Variants in PIP5K1B observed in about 807,000 individuals in gnomAD.
PIP5K1B encodes the protein phosphatidylinositol-4-phosphate 5-kinase type 1 beta.
PIP5K1B carries 42 observed loss-of-function variants against 67.0 expected under a neutral mutation model. The ratio of observed to expected loss-of-function variants is 0.63; its 90% CI spans 0.49 to 0.81. The LOEUF is 0.81. PIP5K1B is among the 30% of genes least tolerant of loss of function. The pLI is 0.00. For synonymous variants in PIP5K1B, 214 were observed against 231.4 expected (o/e 0.92, Z 0.68); for missense variants, 459 against 646.3 (o/e 0.71, Z 3.14).
intron 14 of PIP5K1B, among the ~76,000 whole-genome samples, chr9:68,948,853 A>G (rs930398189): frequency 6.6e-6 from 1 of 152,232 alleles, no homozygotes; most frequent in African/African-American, 2.4e-5. Context: ...GATCCCTCAT[A>G]TATTTCTGCC....
chr9:68,822,030 A>G (rs1833754625), intron 3 of PIP5K1B, among the ~76,000 whole-genome samples: 1 of 152,254 alleles, frequency 6.6e-6, no homozygotes, highest in South Asian at 2.1e-4. Flanking sequence ...AGAAATAAAT[A>G]TGACAAAATG....
chr9:68,755,258 C>T (rs10735625), intron 2 of PIP5K1B, among the ~76,000 whole-genome samples: 106,420 of 152,112 alleles, frequency 0.7, 37,470 homozygotes, highest in East Asian at 0.8. Flanking sequence ...ACTGCTTTCC[C>T]AAAGAATCCA....
chr9:69,008,282 G>A (rs188641050), intron 15 of PIP5K1B, among the ~76,000 whole-genome samples, 165 bp from the exon 16 acceptor site: 4 of 152,296 alleles, frequency 2.6e-5, no homozygotes, highest in Non-Finnish European at 1.5e-5. Context: ...CACCAAAGAA[G>A]TATATGCTAT....
In PIP5K1B at chr9:68,920,354, G is replaced by GAT. The variant is rs1356916901; in HGVS notation, c.1116+625_1116+626insAT. On this transcript the variant is annotated intron_variant, in intron 11 of 15. Coordinates refer to ENST00000265382, the MANE Select transcript of PIP5K1B (RefSeq NM_003558.4). The stretch of plus-strand genomic sequence containing the variant: ...CATTTATACATGCTGGCTGCCTGAG[G>GAT]TTGTCTTTTTTTTTTTTTTTTTTTT... Among the ~76,000 whole-genome samples, 8 of 114,360 alleles carry GAT rather than the reference G, an allele frequency of 7.0e-5. 2 individuals carry two copies. Among genetic ancestry groups the GAT allele is most frequent in the Non-Finnish European group, 1.2e-4 (7 of 57,016 alleles). 75.0% of individuals were successfully genotyped at this position (114,360 alleles called of 152,430 possible). A position where few individuals can be genotyped will look rare whatever the true frequency, so the allele number is the denominator to read the frequency against.
chr9:68,920,314 G>A (rs893948915), intron 11 of PIP5K1B, among the ~76,000 whole-genome samples: 8 of 148,560 alleles, frequency 5.4e-5, no homozygotes, highest in Non-Finnish European at 4.5e-5. Context: ...TAATTGGTAT[G>A]GATTTCTACA....
At chr9:68,839,082 G>A (rs10448322) in intron 4 of PIP5K1B, among the ~76,000 whole-genome samples, 14,364 of 152,250 alleles carry the variant, frequency 0.094, 860 homozygotes, top group Non-Finnish European at 0.14. Flanking sequence ...AAGTTATTTT[G>A]GGGTGGGCAG....
chr9:68,917,870 A>G, intron 9 of PIP5K1B, 111 bp downstream of exon 9: 1 of 756,492 alleles, frequency 1.3e-6, no homozygotes, highest in African/African-American at 1.7e-5. Flanking sequence ...ATTAATTTCT[A>G]CTTGGTGCTA....
intron 14 of PIP5K1B, among the ~76,000 whole-genome samples, chr9:68,961,426 G>A (rs1325360520): frequency 6.6e-6 from 1 of 152,144 alleles, no homozygotes; most frequent in Non-Finnish European, 1.5e-5. Flanking sequence ...ATACTTTAAA[G>A]CAACTAATTA....
intron 2 of PIP5K1B, among the ~76,000 whole-genome samples, chr9:68,760,112 A>G (rs1043707855): frequency 1.3e-5 from 2 of 152,094 alleles, no homozygotes; most frequent in African/African-American, 2.4e-5. Context: ...ATATAAAACA[A>G]TTTTGGTGTG....
At chr9:68,973,440 G>A (rs10117043) in intron 14 of PIP5K1B, among the ~76,000 whole-genome samples, 1 of 152,042 alleles carries the variant, frequency 6.6e-6, no homozygotes, top group African/African-American at 2.4e-5. Flanking sequence ...AAGCTTAAAT[G>A]GGACTCTGAA....
At chr9:68,727,130 A>C (rs1247632321) in intron 1 of PIP5K1B, among the ~76,000 whole-genome samples, 1 of 152,188 alleles carries the variant, frequency 6.6e-6, no homozygotes, top group East Asian at 1.9e-4. Flanking sequence ...GAAGAATTAG[A>C]AGAATATATT....
At chr9:68,953,836 G>C (rs1828233264) in intron 14 of PIP5K1B, among the ~76,000 whole-genome samples, 1 of 145,942 alleles carries the variant, frequency 6.9e-6, no homozygotes, top group African/African-American at 2.6e-5. Flanking sequence ...AAAAATCCCT[G>C]ACTGGAAACT....
Position 68,941,182 on chromosome 9 carries a change from G to A in PIP5K1B, c.1502+392G>A, listed in dbSNP as rs115581910. ...TGGTATGTGTGATCTTAGTGACTAT[G>A]GTAAACAGAATAATTGCTCCCCCAA... On this transcript the variant is annotated intron_variant, in intron 14 of 15. Transcript: ENST00000265382. 8.8e-4 allele frequency: 391 copies of A among 446,820 alleles called. 1 individual carries two copies. Among genetic ancestry groups the A allele is most frequent in the African/African-American group, 6.6e-3 (328 of 49,512 alleles). 27.7% of individuals were successfully genotyped at this position (446,820 alleles called of 1,614,324 possible). A position where few individuals can be genotyped will look rare whatever the true frequency, so the allele number is the denominator to read the frequency against.
intron 1 of PIP5K1B, among the ~76,000 whole-genome samples, chr9:68,714,751 C>T (rs1349734177): frequency 6.6e-6 from 1 of 152,170 alleles, no homozygotes; most frequent in Non-Finnish European, 1.5e-5. Flanking sequence ...CAGTCAGAGG[C>T]AGGTTCATAA....
intron 14 of PIP5K1B, among the ~76,000 whole-genome samples, chr9:68,949,033 G>T (rs10869572): frequency 0.64 from 96,564 of 151,898 alleles, 33,997 homozygotes; most frequent in Non-Finnish European, 0.78. Context: ...TTTAGTTTAT[G>T]GATAAATCAT....
intron 2 of PIP5K1B, among the ~76,000 whole-genome samples, chr9:68,752,868 CAA>C (rs1219728290): frequency 1.3e-5 from 2 of 152,158 alleles, no homozygotes; most frequent in Non-Finnish European, 2.9e-5. Context: ...TTTTGTGAAA[CAA>C]AGATTTAATC....
At chr9:68,769,666 C>T (rs1467389081) in intron 2 of PIP5K1B, among the ~76,000 whole-genome samples, 2 of 152,166 alleles carry the variant, frequency 1.3e-5, no homozygotes, top group South Asian at 2.1e-4. Context: ...CCTCAATACA[C>T]TCTAGGCTTT....
At chr9:68,768,271 A>C (rs769944189) in intron 2 of PIP5K1B, among the ~76,000 whole-genome samples, 6 of 152,200 alleles carry the variant, frequency 3.9e-5, no homozygotes, top group Non-Finnish European at 8.8e-5. Context: ...GAAGAAAAGG[A>C]AAAAGTGGAT....
intron 5 of PIP5K1B, 40 bp from the exon 6 acceptor site, chr9:68,876,637 T>C: frequency 9.1e-7 from 1 of 1,094,856 alleles, no homozygotes; most frequent in Non-Finnish European, 1.4e-6. Context: ...CTTGCTAATG[T>C]GTTCTTTCTT....
Sources: gnomAD v4.1 joint callset for allele counts (sites outside exome capture counted in the v4.1 genomes callset) on GRCh38, gnomAD v4.1.1 for gene constraint, MANE v1.5 for transcripts, NCBI Gene and HGNC (gene_info 2026-07-23, HGNC 2026-07-21) for gene names.